Variants in MGMT observed in about 807,000 individuals in gnomAD.
The protein encoded by MGMT is O-6-methylguanine-DNA methyltransferase.
Under a neutral mutation model 15.9 loss-of-function variants are expected in MGMT, and 14 were observed. That is an observed-to-expected ratio of 0.88 (90% CI 0.58 to 1.37). The LOEUF is 1.37. MGMT is among the 40% of genes most tolerant of loss of function. The pLI is 0.00. For synonymous variants in MGMT, 130 were observed against 118.2 expected (o/e 1.10, Z -0.65); for missense variants, 282 against 268.1 (o/e 1.05, Z -0.36).
chr10:129,548,937 C>T (rs1039744834), intron 2 of MGMT, among the ~76,000 whole-genome samples: 57 of 152,036 alleles, frequency 3.7e-4, no homozygotes, highest in Non-Finnish European at 8.8e-5. Context: ...AAGAATGGGG[C>T]GCGGCCTGAC....
At chr10:129,715,984 C>G (rs116853682) in intron 3 of MGMT, among the ~76,000 whole-genome samples, 2 of 152,094 alleles carry the variant, frequency 1.3e-5, no homozygotes, top group African/African-American at 4.8e-5. Flanking sequence ...TGGAGGTACG[C>G]GGCGGTCAGT....
chr10:129,522,347 C>T (rs1324278008), intron 1 of MGMT, among the ~76,000 whole-genome samples: 1 of 152,170 alleles, frequency 6.6e-6, no homozygotes, highest in Non-Finnish European at 1.5e-5. Context: ...CCTCAGGTGG[C>T]CAGAAGTGCC....
At chr10:129,498,472 A>G (rs11016813) in intron 1 of MGMT, among the ~76,000 whole-genome samples, 15,862 of 152,186 alleles carry the variant, frequency 0.1, 1,005 homozygotes, top group East Asian at 0.3. Flanking sequence ...ACTGTTCTGT[A>G]AGGAAGAGCT....
chr10:129,676,011 C>T (rs533475557), intron 2 of MGMT, among the ~76,000 whole-genome samples: 21 of 152,296 alleles, frequency 1.4e-4, no homozygotes, highest in Non-Finnish European at 2.2e-4. Context: ...GGCACTGCGC[C>T]GGGCTCTCAT....
In MGMT at chr10:129,471,013, C is replaced by T. The variant is rs896366441; in HGVS notation, c.-13+3717C>T. Among the ~76,000 whole-genome samples, 26 of 152,164 alleles carry T rather than the reference C, an allele frequency of 1.7e-4. 1 individual carries two copies. The highest frequency in any genetic ancestry group is 2.0e-4 in the Admixed American group (3 of 15,282). On this transcript the variant is annotated intron_variant, in intron 1 of 4. Transcript: ENST00000651593. ...AATAATTTCCTACCTGTGATGCTTG[C>T]GAAGTCAGCAGAGGCTCCCACCCAG...
chr10:129,625,696 T>G (rs1847138978), intron 2 of MGMT, among the ~76,000 whole-genome samples: 1 of 151,550 alleles, frequency 6.6e-6, no homozygotes, highest in Non-Finnish European at 1.5e-5. Context: ...GAAATTCTCT[T>G]ACATGACAGC....
chr10:129,708,103 T>C, intron 3 of MGMT, 60 bp downstream of exon 3: 4 of 1,547,030 alleles, frequency 2.6e-6, no homozygotes, highest in Middle Eastern at 1.8e-4. Flanking sequence ...TAACGATCGC[T>C]GACATCACAG....
chr10:129,611,253 A>G (rs1287222489), intron 2 of MGMT, among the ~76,000 whole-genome samples: 1 of 152,224 alleles, frequency 6.6e-6, no homozygotes, highest in Non-Finnish European at 1.5e-5. Flanking sequence ...TCTGGGCTGG[A>G]CAGACTTCTG....
chr10:129,652,544 AG>A (rs1456504496), intron 2 of MGMT, among the ~76,000 whole-genome samples: 1 of 152,198 alleles, frequency 6.6e-6, no homozygotes, highest in African/African-American at 2.4e-5. Context: ...CTGATCACAA[AG>A]TTGAAGGTGG....
chr10:129,754,010 C>T (rs1274137197), intron 3 of MGMT, among the ~76,000 whole-genome samples: 4 of 152,166 alleles, frequency 2.6e-5, no homozygotes, highest in Non-Finnish European at 5.9e-5. Context: ...TTTTCAAACC[C>T]TTTTCCGTCC....
At chr10:129,588,956 G>C (rs1589881866) in intron 2 of MGMT, among the ~76,000 whole-genome samples, 1 of 152,350 alleles carries the variant, frequency 6.6e-6, no homozygotes, top group East Asian at 1.9e-4. Context: ...TGTTTTGTAG[G>C]TGTCTCTGGC....
In MGMT at chr10:129,600,324, G is replaced by A. The variant is rs1407938344; in HGVS notation, c.125+63947G>A. On this transcript the variant is annotated intron_variant, in intron 2 of 4. Transcript: ENST00000651593. ...ACCCACCTGAATTTCCTTTGTCTCC[G>A]AGCCACATGGGAAGGAGACTGTGGA... Among the ~76,000 whole-genome samples, 8 of 152,156 alleles carry A rather than the reference G, an allele frequency of 5.3e-5. 1 individual carries two copies. The highest frequency in any genetic ancestry group is 1.2e-4 in the Non-Finnish European group (8 of 68,042).
intron 2 of MGMT, among the ~76,000 whole-genome samples, chr10:129,657,160 T>C (rs1847533559): frequency 6.6e-6 from 1 of 152,070 alleles, no homozygotes; most frequent in Non-Finnish European, 1.5e-5. Context: ...GGGATTTAAG[T>C]GTGTTTACCT....
At chr10:129,511,633 C>T (rs1179280906) in intron 1 of MGMT, among the ~76,000 whole-genome samples, 2 of 152,344 alleles carry the variant, frequency 1.3e-5, no homozygotes, top group East Asian at 3.9e-4. Flanking sequence ...CAGCCATATT[C>T]ACCTGGCCAT....
At chr10:129,707,219 G>T (rs1172916863) in intron 2 of MGMT, among the ~76,000 whole-genome samples, 1 of 152,136 alleles carries the variant, frequency 6.6e-6, no homozygotes, top group Non-Finnish European at 1.5e-5. Flanking sequence ...GGAGGTTGCA[G>T]TGAGCCAAGA....
chr10:129,472,033 G>A lies in MGMT; in HGVS notation c.-13+4737G>A, dbSNP rs568421417. 1.5e-4 allele frequency among the ~76,000 whole-genome samples: 23 copies of A among 152,326 alleles called. No homozygotes were observed. The East Asian group carries it at 4.3e-3, about 28-fold the overall frequency. On this transcript the variant is annotated intron_variant, in intron 1 of 4. Transcript: ENST00000651593. Reference sequence around the variant, plus strand: ...TTTGGCGTCAGTTTTACAAACACACGCGAAGCACGGGCAACCCGTATCATA... The same window carrying A: ...TTTGGCGTCAGTTTTACAAACACACACGAAGCACGGGCAACCCGTATCATA...
intron 2 of MGMT, among the ~76,000 whole-genome samples, chr10:129,695,928 A>G (rs528112494): frequency 6.6e-6 from 1 of 152,256 alleles, no homozygotes; most frequent in South Asian, 2.1e-4. Context: ...ATGTGACAGC[A>G]TGTGGGCTTG....
At chr10:129,520,755 G>T (rs1845797481) in intron 1 of MGMT, among the ~76,000 whole-genome samples, 2 of 148,114 alleles carry the variant, frequency 1.4e-5, no homozygotes, top group Non-Finnish European at 3.0e-5. Context: ...TACGGTGAGG[G>T]TGCAGAACCC....
At chr10:129,668,268 T>G (rs1299222304) in intron 2 of MGMT, among the ~76,000 whole-genome samples, 2 of 151,506 alleles carry the variant, frequency 1.3e-5, no homozygotes. Context: ...AGATAGTCTC[T>G]GCTACATATT....
Sources: gnomAD v4.1 joint callset for allele counts (sites outside exome capture counted in the v4.1 genomes callset) on GRCh38, gnomAD v4.1.1 for gene constraint, MANE v1.5 for transcripts, NCBI Gene and HGNC (gene_info 2026-07-23, HGNC 2026-07-21) for gene names.